LARGE1: variants seen among roughly 807,000 people sequenced by gnomAD.
The protein encoded by LARGE1 is LARGE xylosyl- and glucuronyltransferase 1, also known as xylosyl- and glucuronyltransferase LARGE1.
LARGE1 carries 43 observed loss-of-function variants against 87.6 expected under a neutral mutation model. That is an observed-to-expected ratio of 0.49 (90% CI 0.38 to 0.63). The LOEUF (loss-of-function observed/expected upper bound fraction) is 0.63. Among genes scored for constraint, LARGE1 ranks in the 30% least tolerant of loss-of-function variants. The probability of loss-of-function intolerance (pLI) is 0.00; values close to 1 mark genes in which losing one functional copy is unlikely to be tolerated. For missense variants in LARGE1, 802 were observed against 1,000.2 expected (o/e 0.80, Z 2.67); for synonymous variants, 434 against 394.6 (o/e 1.10, Z -1.18).
intron 12 of LARGE1, 38 bp downstream of exon 12, chr22:33,304,191 C>A: frequency 6.2e-7 from 1 of 1,611,772 alleles, no homozygotes. Flanking sequence ...GCCCTATGTG[C>A]CTTCTGGCCT....
chr22:33,677,343 A>C (rs927864308), intron 2 of LARGE1, among the ~76,000 whole-genome samples: 2 of 152,130 alleles, frequency 1.3e-5, no homozygotes, highest in Non-Finnish European at 2.9e-5. Context: ...CCCAAGGAAA[A>C]AGGACAGTTT....
rs1375672743 is a variant in LARGE1 at position 33,274,478 on chromosome 22, G to A, written c.2220C>T (p.Arg740=). 1 of 1,614,190 alleles carries A rather than the reference G, an allele frequency of 6.2e-7. No homozygotes were observed. Residue 740 remains arginine (R), a synonymous_variant, in exon 15 of 15, where the codon CGC becomes CGT. Transcript: ENST00000397394. ...ATTTCAGGGCAGCAAAGCCGTAGCG[G>A]CGGGACATGTCCTGCTGAAACTCTT... ...LKEEFQQDMS[R]RYGFAALKYL...
intron 7 of LARGE1, among the ~76,000 whole-genome samples, chr22:33,415,857 C>T (rs573496535): frequency 1.7e-4 from 26 of 152,198 alleles, no homozygotes; most frequent in Non-Finnish European, 3.2e-4. Flanking sequence ...GAGGGCCAGG[C>T]GGGAAACTGT....
At chr22:33,316,288 G>A (rs1425993942) in intron 10 of LARGE1, 40 bp from the exon 11 acceptor site, 1 of 1,603,946 alleles carries the variant, frequency 6.2e-7, no homozygotes, top group Non-Finnish European at 8.5e-7. Flanking sequence ...GTGAAGAAGA[G>A]GTCCGAGGGG....
At chr22:33,767,101 A>G (rs1357128294) in intron 1 of LARGE1, among the ~76,000 whole-genome samples, 3 of 151,314 alleles carry the variant, frequency 2.0e-5, no homozygotes, top group Admixed American at 2.0e-4. Context: ...ATCACCTGAC[A>G]TCAGGCGTTC....
At chr22:33,891,285 T>G (rs945343895) in intron 1 of LARGE1, among the ~76,000 whole-genome samples, 3 of 152,362 alleles carry the variant, frequency 2.0e-5, no homozygotes, top group Admixed American at 1.3e-4. Context: ...TTATATGAAT[T>G]AGTCCAGAAA....
the LARGE1 span, among the ~76,000 whole-genome samples, chr22:33,123,705 C>T: frequency 6.6e-6 from 1 of 152,106 alleles, no homozygotes; most frequent in Non-Finnish European, 1.5e-5. Flanking sequence ...AAAGTAAACA[C>T]AGAAGGGAGG....
At chr22:33,569,510 C>T (rs922889562) in intron 5 of LARGE1, among the ~76,000 whole-genome samples, 4 of 152,164 alleles carry the variant, frequency 2.6e-5, no homozygotes, top group Non-Finnish European at 4.4e-5. Flanking sequence ...AGTTTGTATT[C>T]AGAAAGAAAG....
At chr22:33,332,228 G>A (rs961192277) in intron 10 of LARGE1, among the ~76,000 whole-genome samples, 1 of 152,074 alleles carries the variant, frequency 6.6e-6, no homozygotes, top group Non-Finnish European at 1.5e-5. Flanking sequence ...CTGAATCATG[G>A]GGGCAGGTTC....
At chr22:33,264,935 G>C (rs1279750664) in intron 11 of LARGE1, among the ~76,000 whole-genome samples, 1 of 113,148 alleles carries the variant, frequency 8.8e-6, no homozygotes, top group Non-Finnish European at 1.6e-5. Context: ...TCGCTCTACT[G>C]CCCAGGCTGG....
the LARGE1 span, among the ~76,000 whole-genome samples, chr22:33,117,099 G>A: frequency 0.04 from 6,055 of 152,244 alleles, 143 homozygotes; most frequent in Middle Eastern, 0.14. Flanking sequence ...ACTGAAGTTC[G>A]CATATCTTCT....
chr22:33,358,765 T>C (rs1341220588), intron 9 of LARGE1, among the ~76,000 whole-genome samples: 2 of 151,898 alleles, frequency 1.3e-5, no homozygotes, highest in South Asian at 2.1e-4. Flanking sequence ...GCCGGGTGGA[T>C]CATGAGGTCA....
chr22:33,277,040 G>A lies in LARGE1; in HGVS notation c.2073+20C>T. On this transcript the variant is annotated intron_variant, in intron 14 of 14. Transcript: ENST00000397394. Reference sequence around the variant, plus strand: ...CTCTCCCCCGTCGACCATACCAGGTGGATGCTCCGTTCTTCTCACCTGCAC... The same window carrying A: ...CTCTCCCCCGTCGACCATACCAGGTAGATGCTCCGTTCTTCTCACCTGCAC... 1 of 1,612,750 alleles carries A rather than the reference G, an allele frequency of 6.2e-7. No individual in the cohort carries two copies. Among genetic ancestry groups the A allele is most frequent in the South Asian group, 1.1e-5 (1 of 91,050 alleles).
chr22:33,411,156 C>G (rs778367660), intron 7 of LARGE1, among the ~76,000 whole-genome samples: 5 of 152,158 alleles, frequency 3.3e-5, no homozygotes, highest in Non-Finnish European at 5.9e-5. Flanking sequence ...AAACCCCTGA[C>G]CTTGTATGGG....
the LARGE1 span, among the ~76,000 whole-genome samples, chr22:33,123,734 C>T: frequency 2.6e-5 from 4 of 152,210 alleles, no homozygotes; most frequent in Admixed American, 1.3e-4. Context: ...GGGTGAACAG[C>T]ATTTCTCAAG....
intron 1 of LARGE1, among the ~76,000 whole-genome samples, chr22:33,853,771 G>A (rs1046435867): frequency 4.6e-5 from 7 of 152,242 alleles, no homozygotes; most frequent in Non-Finnish European, 1.0e-4. Context: ...TGCCTGTTGT[G>A]CCGTCTGCTG....
At chr22:33,722,090 A>G (rs1387288598) in intron 2 of LARGE1, among the ~76,000 whole-genome samples, 2 of 152,102 alleles carry the variant, frequency 1.3e-5, no homozygotes, top group Non-Finnish European at 2.9e-5. Context: ...CGTCTCTACT[A>G]AAAATACAAA....
At chr22:33,844,370 G>T (rs1321737503) in intron 1 of LARGE1, among the ~76,000 whole-genome samples, 2 of 152,182 alleles carry the variant, frequency 1.3e-5, no homozygotes, top group Non-Finnish European at 2.9e-5. Context: ...CTGGCACAGG[G>T]AGTTTAGTAA....
chr22:33,571,245 G>C (rs937368141), intron 5 of LARGE1, among the ~76,000 whole-genome samples: 1 of 152,166 alleles, frequency 6.6e-6, no homozygotes, highest in African/African-American at 2.4e-5. Flanking sequence ...TAAACTGGGG[G>C]GTTGGGGATG....
Sources: gnomAD v4.1 joint callset for allele counts (sites outside exome capture counted in the v4.1 genomes callset) on GRCh38, gnomAD v4.1.1 for gene constraint, MANE v1.5 for transcripts, NCBI Gene and HGNC (gene_info 2026-07-23, HGNC 2026-07-21) for gene names.